Variants in TM9SF3 observed in about 807,000 individuals in gnomAD.
The protein encoded by TM9SF3 is transmembrane 9 superfamily member 3, also known as SM-11044-binding protein.
TM9SF3 carries 14 observed loss-of-function variants against 78.6 expected under a neutral mutation model. The ratio of observed to expected loss-of-function variants is 0.18; its 90% CI spans 0.12 to 0.28. The LOEUF is 0.28. Ranked by LOEUF, TM9SF3 falls within the 10% of genes least tolerant of loss-of-function variation. The probability of loss-of-function intolerance (pLI) is 1.00; values close to 1 mark genes in which losing one functional copy is unlikely to be tolerated. For synonymous variants in TM9SF3, 231 were observed against 241.7 expected (o/e 0.96, Z 0.41); for missense variants, 496 against 721.9 (o/e 0.69, Z 3.59).
chr10:96,547,045 G>A (rs1367194281), intron 8 of TM9SF3, among the ~76,000 whole-genome samples: 5 of 152,148 alleles, frequency 3.3e-5, no homozygotes, highest in African/African-American at 9.7e-5. Context: ...TTGTATTATC[G>A]TGTTATTAGT....
Position 96,563,580 on chromosome 10 carries a change from G to A in TM9SF3, c.422-1442C>T, listed in dbSNP as rs868012264. Among the ~76,000 whole-genome samples the A allele has an allele frequency of 2.2e-4, 34 of 152,160 alleles. No individual in the cohort carries two copies. In the Middle Eastern group the frequency reaches 0.021, roughly 92 times the overall value. ...TTTAGTAGAGACAGGGTTTCGCCAT[G>A]CTGGCCATGGTGGTCTCGAACTCCT... On this transcript the variant is annotated intron_variant, in intron 3 of 14. Coordinates refer to ENST00000371142, the MANE Select transcript of TM9SF3 (RefSeq NM_020123.4).
chr10:96,575,729 C>CA (rs76895654), intron 2 of TM9SF3, among the ~76,000 whole-genome samples: 2,515 of 126,534 alleles, frequency 0.02, 58 homozygotes, highest in African/African-American at 0.056. Context: ...AATACAGTAC[C>CA]AAAAAAAAAA....
In TM9SF3 at chr10:96,542,042, GC is replaced by G. The variant is rs549651114; in HGVS notation, c.1185+2033del. Among the ~76,000 whole-genome samples, 31 of 152,310 alleles carry G rather than the reference GC, an allele frequency of 2.0e-4. No homozygotes were observed. The South Asian group carries it at 6.2e-3, about 31-fold the overall frequency. ...AAATCCCCAAGTGATTCTAATGTGT[GC>G]CCAGGGTTGAGAATCACTGAGTTTA... On this transcript the variant is annotated intron_variant, in intron 9 of 14. Transcript: ENST00000371142.
intron 1 of TM9SF3, among the ~76,000 whole-genome samples, chr10:96,586,257 C>T (rs1848627948): frequency 6.6e-6 from 1 of 152,200 alleles, no homozygotes; most frequent in South Asian, 2.1e-4. Context: ...CCAAAGGAGA[C>T]CATAAAGTGT....
At chr10:96,531,412 A>G (rs904602986) in intron 10 of TM9SF3, among the ~76,000 whole-genome samples, 1 of 152,152 alleles carries the variant, frequency 6.6e-6, no homozygotes, top group Admixed American at 6.5e-5. Flanking sequence ...ACCTCACTAG[A>G]TTATAAACCC....
intron 8 of TM9SF3, 34 bp from the exon 9 acceptor site, chr10:96,544,240 A>C (rs759627738): frequency 6.6e-7 from 1 of 1,510,700 alleles, no homozygotes; most frequent in South Asian, 1.3e-5. Flanking sequence ...AGTTTAATAT[A>C]ATTATTTAGT....
At chr10:96,586,649 C>A in intron 1 of TM9SF3, 85 bp downstream of exon 1, 1 of 1,125,374 alleles carries the variant, frequency 8.9e-7, no homozygotes, top group South Asian at 4.4e-5. Context: ...ACCGGGCCGC[C>A]GGGCACTCCA....
chr10:96,583,552 G>A (rs911080618), intron 1 of TM9SF3, among the ~76,000 whole-genome samples: 2 of 151,976 alleles, frequency 1.3e-5, no homozygotes, highest in Non-Finnish European at 2.9e-5. Context: ...AGCATATGGC[G>A]GCTCACAGTG....
At chr10:96,564,246 G>T (rs2134152330) in intron 3 of TM9SF3, among the ~76,000 whole-genome samples, 1 of 152,124 alleles carries the variant, frequency 6.6e-6, no homozygotes, top group African/African-American at 2.4e-5. Context: ...GAGCTATCAT[G>T]GCATCACTGC....
intron 1 of TM9SF3, among the ~76,000 whole-genome samples, chr10:96,584,562 C>T (rs923972242): frequency 1.3e-5 from 2 of 152,200 alleles, no homozygotes; most frequent in African/African-American, 2.4e-5. Context: ...AATCCCAGCA[C>T]TTTGTGGGGC....
intron 14 of TM9SF3, among the ~76,000 whole-genome samples, chr10:96,524,264 A>G (rs1263970956): frequency 1.3e-5 from 2 of 151,942 alleles, no homozygotes; most frequent in Non-Finnish European, 2.9e-5. Flanking sequence ...TATAATAGGA[A>G]ATAACAATAT....
At chr10:96,560,155 C>A in intron 4 of TM9SF3, 1 of 774,292 alleles carries the variant, frequency 1.3e-6, no homozygotes, top group Non-Finnish European at 2.3e-6. Flanking sequence ...CGTCTGCCTT[C>A]TTTCCCACCT....
chr10:96,567,915 G>A (rs914651947), intron 2 of TM9SF3, among the ~76,000 whole-genome samples: 8 of 152,224 alleles, frequency 5.3e-5, no homozygotes, highest in Non-Finnish European at 1.5e-5. Context: ...TGAATAGTGT[G>A]TATGTTTGTA....
At chr10:96,568,717 T>G (rs763230132) in intron 2 of TM9SF3, among the ~76,000 whole-genome samples, 2 of 152,066 alleles carry the variant, frequency 1.3e-5, no homozygotes, top group Non-Finnish European at 2.9e-5. Flanking sequence ...AAAGTCTCTC[T>G]TCAAAGAAAT....
In TM9SF3 at chr10:96,551,231, G is replaced by A; in HGVS notation, c.959+14C>T. ...AACAATAAAGACATAATACAGTTAAGTGTAGGCACTTACTCAGTATATAAA... is the reference window on the plus strand; with the variant it reads ...AACAATAAAGACATAATACAGTTAAATGTAGGCACTTACTCAGTATATAAA... On this transcript the variant is annotated intron_variant, in intron 7 of 14. Transcript: ENST00000371142. 5 of 1,598,830 alleles carry A rather than the reference G, an allele frequency of 3.1e-6. No homozygotes were observed. The highest frequency in any genetic ancestry group is 4.3e-6 in the Non-Finnish European group (5 of 1,172,474).
At chr10:96,583,601 C>G (rs539605397) in intron 1 of TM9SF3, among the ~76,000 whole-genome samples, 16 of 152,296 alleles carry the variant, frequency 1.1e-4, no homozygotes, top group Middle Eastern at 3.4e-3. Flanking sequence ...GTTCAAATCC[C>G]ACCTCTACCC....
At chr10:96,542,504 T>C (rs1253225202) in intron 9 of TM9SF3, among the ~76,000 whole-genome samples, 3 of 152,186 alleles carry the variant, frequency 2.0e-5, no homozygotes, top group Non-Finnish European at 2.9e-5. Context: ...CATTTACAAA[T>C]TGGTAAAAAT....
At chr10:96,535,766 C>A (rs953054731) in intron 9 of TM9SF3, among the ~76,000 whole-genome samples, 2 of 152,032 alleles carry the variant, frequency 1.3e-5, no homozygotes, top group African/African-American at 4.8e-5. Flanking sequence ...TCAAGTACTG[C>A]CTATTGGTGC....
At chr10:96,551,436 A>G (rs1770955977) in intron 6 of TM9SF3, 25 bp from the exon 7 acceptor site, 2 of 1,448,858 alleles carry the variant, frequency 1.4e-6, no homozygotes, top group Non-Finnish European at 1.8e-6. Context: ...ATATATAGAG[A>G]GAGAAAAGCA....
Sources: allele counts gnomAD v4.1 joint callset (sites outside exome capture counted in the v4.1 genomes callset), GRCh38; gene constraint gnomAD v4.1.1; transcripts MANE v1.5; gene names NCBI Gene and HGNC (gene_info 2026-07-23, HGNC 2026-07-21).